Variants in MAMLD1 observed in about 807,000 individuals in gnomAD.
MAMLD1 encodes the protein mastermind like domain containing 1, also known as mastermind-like domain-containing protein 1.
Under a neutral mutation model 45.0 loss-of-function variants are expected in MAMLD1, and 14 were observed. The ratio of observed to expected loss-of-function variants is 0.31; its 90% CI spans 0.21 to 0.49. The LOEUF (loss-of-function observed/expected upper bound fraction) is 0.49, where lower values mean the gene tolerates loss of function less well. Ranked by LOEUF, MAMLD1 falls within the 20% of genes least tolerant of loss-of-function variation. The pLI is 0.99. For missense variants in MAMLD1, 543 were observed against 603.6 expected, an observed-to-expected ratio of 0.90 and a Z score of 1.05; for synonymous variants, 254 against 247.8, an observed-to-expected ratio of 1.02 and a Z score of -0.24.
At chrX:150,489,225 A>G (rs1360180382) in intron 5 of MAMLD1, among the ~76,000 whole-genome samples, 2 of 111,175 alleles carry the variant, frequency 1.8e-5, no homozygotes, top group Non-Finnish European at 3.8e-5. Flanking sequence ...AAAATACCAT[A>G]GGCTGGGTGG....
chrX:150,400,758 G>A (rs112176192), intron 1 of MAMLD1, among the ~76,000 whole-genome samples: 2,023 of 110,101 alleles, frequency 0.018, 36 homozygotes, highest in African/African-American at 0.05. Context: ...GCTGGATTAC[G>A]TTTATTGATT....
At chrX:150,450,530 G>A (rs1206968058) in intron 2 of MAMLD1, among the ~76,000 whole-genome samples, 1 of 111,672 alleles carries the variant, frequency 9.0e-6, no homozygotes, top group African/African-American at 3.3e-5. Context: ...ATGAGCCTCT[G>A]GGCCTCAGTA....
intron 1 of MAMLD1, among the ~76,000 whole-genome samples, chrX:150,444,171 G>A (rs142246853): frequency 5.2e-4 from 58 of 111,739 alleles, no homozygotes; most frequent in African/African-American, 1.8e-3. Flanking sequence ...ACTCTAGTGC[G>A]GATAGGGAAG....
rs1557406186 is a variant in MAMLD1, at chrX:150,469,655, CTGTGTG to C, written c.172-64_172-59del. ...TCTCTGTCTCTCTCTCTCTCTCTCT[CTGTGTG>C]TGTGTGTGTGTGTGTGTGTGTGTGT... is the stretch of plus-strand genomic sequence containing the variant. On this transcript the variant is annotated intron_variant, in intron 3 of 7. Coordinates refer to ENST00000370401, the MANE Select transcript of MAMLD1 (RefSeq NM_005491.5). 60 of 406,408 alleles carry C rather than the reference CTGTGTG, an allele frequency of 1.5e-4. No individual in the cohort carries two copies. In the African/African-American group the frequency reaches 1.5e-3, roughly 10 times the overall value. The allele number at this position is 406,408 out of a possible 1,213,427, so 33.5% of individuals were successfully genotyped here.
At chrX:150,420,759 G>A (rs1250792803) in intron 1 of MAMLD1, among the ~76,000 whole-genome samples, 1 of 98,028 alleles carries the variant, frequency 1.0e-5, no homozygotes, top group African/African-American at 3.7e-5. Context: ...CGGGGGTCAG[G>A]GGTCAGGGAC....
intron 5 of MAMLD1, among the ~76,000 whole-genome samples, chrX:150,500,577 C>T (rs2037523109): frequency 9.0e-6 from 1 of 111,661 alleles, no homozygotes; most frequent in African/African-American, 3.3e-5. Flanking sequence ...CTCTATCTGT[C>T]CCATGGCTTA....
At chrX:150,408,989 A>G (rs1557402748) in intron 1 of MAMLD1, among the ~76,000 whole-genome samples, 2 of 111,889 alleles carry the variant, frequency 1.8e-5, no homozygotes, top group Non-Finnish European at 3.8e-5. Flanking sequence ...AAGAATGGCT[A>G]TAGAGTCGTG....
Position 150,445,575 on chromosome X carries a change from T to C in MAMLD1, c.59T>C (p.Val20Ala). The change falls in exon 2 of 8, where the codon GTG becomes GCG. Residue 20 changes from valine (V) to alanine (A), a missense_variant. Transcript: ENST00000370401. Reference protein sequence around the residue: ...IKSMLPHFAMVGNRQEPRKLQ... With the variant: ...IKSMLPHFAMAGNRQEPRKLQ... ...AGCATGCTTCCCCATTTCGCCATGG[T>C]GGGAAATCGTCAGGAGCCCAGAAAG... The C allele has an allele frequency of 2.5e-6, 3 of 1,209,030 alleles. No individual in the cohort carries two copies. The highest frequency in any genetic ancestry group is 3.4e-6 in the Non-Finnish European group (3 of 894,194).
chrX:150,402,097 T>C (rs1288463574), intron 1 of MAMLD1, among the ~76,000 whole-genome samples: 9 of 111,345 alleles, frequency 8.1e-5, no homozygotes, highest in African/African-American at 2.6e-4. Context: ...AAAGAGCTTC[T>C]GCACAGCAAA....
At chrX:150,368,368 G>A (rs2031682885) in intron 1 of MAMLD1, among the ~76,000 whole-genome samples, 1 of 110,538 alleles carries the variant, frequency 9.0e-6, no homozygotes, top group Non-Finnish European at 1.9e-5. Context: ...CTTTTGAGAA[G>A]TGTCTGTTCA....
upstream of MAMLD1, among the ~76,000 whole-genome samples, chrX:150,363,119 G>C (rs1240170106): frequency 8.9e-6 from 1 of 112,884 alleles, no homozygotes; most frequent in Non-Finnish European, 1.9e-5. Context: ...GCGGGGTCGC[G>C]GGCAGGGCAG....
intron 2 of MAMLD1, among the ~76,000 whole-genome samples, chrX:150,449,607 G>C (rs375477716): frequency 9.0e-6 from 1 of 111,499 alleles, no homozygotes; most frequent in East Asian, 2.8e-4. Context: ...CTCGATTCAG[G>C]GTTGGAACAA....
At chrX:150,502,325 G>A (rs782195202) in intron 5 of MAMLD1, among the ~76,000 whole-genome samples, 3 of 111,970 alleles carry the variant, frequency 2.7e-5, no homozygotes, top group Non-Finnish European at 5.6e-5. Context: ...CACAGCTCAG[G>A]TATTAAAAGC....
chrX:150,474,002 G>C (rs2036509068), intron 5 of MAMLD1, among the ~76,000 whole-genome samples, 200 bp downstream of exon 5: 1 of 111,951 alleles, frequency 8.9e-6, no homozygotes, highest in African/African-American at 3.3e-5. Flanking sequence ...CCTGGGGCTA[G>C]GAGCACAATA....
At chrX:150,422,818 C>CTTCA (rs1216472574) in intron 1 of MAMLD1, among the ~76,000 whole-genome samples, 8 of 112,031 alleles carry the variant, frequency 7.1e-5, no homozygotes, top group African/African-American at 2.6e-4. Flanking sequence ...GATTGCTGTC[C>CTTCA]TTCAGCTCAG....
chrX:150,363,891 C>A (rs2031172901), intron 1 of MAMLD1, among the ~76,000 whole-genome samples: 1 of 113,151 alleles, frequency 8.8e-6, no homozygotes, highest in African/African-American at 3.2e-5. Flanking sequence ...TCTGTCCCAG[C>A]ACCCCCGGGT....
intron 1 of MAMLD1, among the ~76,000 whole-genome samples, chrX:150,402,605 A>G (rs1325481534): frequency 1.8e-5 from 2 of 112,079 alleles, no homozygotes; most frequent in Non-Finnish European, 3.8e-5. Context: ...TCATGCTGCT[A>G]TAAAGACACA....
chrX:150,382,826 C>A (rs2032682813), intron 1 of MAMLD1, among the ~76,000 whole-genome samples: 1 of 108,342 alleles, frequency 9.2e-6, no homozygotes, highest in Non-Finnish European at 1.9e-5. Flanking sequence ...AAGACTGCAG[C>A]AATAGAGTAC....
intron 5 of MAMLD1, among the ~76,000 whole-genome samples, chrX:150,490,957 A>G (rs56770846): frequency 3.6e-5 from 4 of 112,041 alleles, no homozygotes; most frequent in African/African-American, 9.7e-5. Flanking sequence ...CAATAGATGT[A>G]AAAAGGAAAG....
Sources: gnomAD v4.1 joint callset for allele counts (sites outside exome capture counted in the v4.1 genomes callset) on GRCh38, gnomAD v4.1.1 for gene constraint, MANE v1.5 for transcripts, NCBI Gene and HGNC (gene_info 2026-07-23, HGNC 2026-07-21) for gene names.